MTHFSD: variants seen among roughly 807,000 people sequenced by gnomAD.
The protein encoded by MTHFSD is methenyltetrahydrofolate synthase domain-containing protein.
In MTHFSD, 37 loss-of-function variants were observed where a neutral mutation model predicts 31.1. The ratio of observed to expected loss-of-function variants is 1.19; its 90% CI spans 0.91 to 1.56. The LOEUF (loss-of-function observed/expected upper bound fraction) is 1.56, where lower values mean the gene tolerates loss of function less well. Ranked by LOEUF, MTHFSD falls within the 40% of genes most tolerant of loss-of-function variation. The probability of loss-of-function intolerance (pLI) is 0.00; values close to 1 mark genes in which losing one functional copy is unlikely to be tolerated. For synonymous variants in MTHFSD, 221 were observed against 206.9 expected (o/e 1.07, Z -0.59); for missense variants, 664 against 510.1 (o/e 1.30, Z -2.91).
Position 86,554,674 on chromosome 16 carries a change from G to A in MTHFSD, c.94C>T (p.Pro32Ser). 1 of 1,614,146 alleles carries A rather than the reference G, an allele frequency of 6.2e-7. No individual in the cohort carries two copies. The highest frequency in any genetic ancestry group is 8.5e-7 in the Non-Finnish European group (1 of 1,179,998). The change falls in exon 2 of 8, where the codon CCT becomes TCT. Residue 32 changes from proline (P) to serine (S), a missense_variant. Physicochemically the swap from Pro to Ser is moderately conservative, Grantham distance 74. Coordinates refer to ENST00000360900, the MANE Select transcript of MTHFSD (RefSeq NM_001159377.2). The part of the protein sequence containing the change: ...ESQNLADFPR[P>S]VHHRIPNFKG... The stretch of plus-strand genomic sequence containing the variant: ...AAGTTGGGTATCCTGTGATGAACAG[G>A]TCGGGGAAAGTCAGCTAAATTTTGT...
At chr16:86,539,191 C>G (rs749521053) in intron 7 of MTHFSD, among the ~76,000 whole-genome samples, 1 of 152,146 alleles carries the variant, frequency 6.6e-6, no homozygotes, top group East Asian at 1.9e-4. Context: ...TGGTCACAGG[C>G]GGTATGGAGC....
intron 4 of MTHFSD, chr16:86,547,588 T>C (rs16941495): frequency 0.17 from 166,311 of 986,466 alleles, 15,181 homozygotes; most frequent in East Asian, 0.39. Flanking sequence ...AAGAGACGGC[T>C]TGCATTTGTG....
intron 3 of MTHFSD, among the ~76,000 whole-genome samples, chr16:86,551,662 G>C (rs1471635237): frequency 6.6e-6 from 1 of 152,202 alleles, no homozygotes; most frequent in Non-Finnish European, 1.5e-5. Context: ...CAGCAAGCTT[G>C]TTAGCATGCT....
At position 86,541,777 on chromosome 16, in the gene MTHFSD, C is replaced by T; in HGVS notation, c.601G>A (p.Val201Met). 6.2e-7 allele frequency: 1 copy of T among 1,614,208 alleles called. No individual in the cohort carries two copies. Among genetic ancestry groups the T allele is most frequent in the East Asian group, 2.2e-5 (1 of 44,880 alleles). Residue 201 changes from valine (V) to methionine (M), a missense_variant, in exon 7 of 8, where the codon GTG (valine) becomes ATG (methionine). Physicochemically the swap from Val to Met is conservative, Grantham distance 21. Coordinates refer to ENST00000360900, the MANE Select transcript of MTHFSD (RefSeq NM_001159377.2). ...CTGGTTGGAGTGAGGATGTAGTCCACAGTGATGTCGTGCTCCTCAACAAGC... is the reference window on the plus strand; with the variant it reads ...CTGGTTGGAGTGAGGATGTAGTCCATAGTGATGTCGTGCTCCTCAACAAGC... ...EELVEEHDIT[V>M]DYILTPTRVI...
chr16:86,555,215 G>A lies in MTHFSD; in HGVS notation c.-31C>T, dbSNP rs1327320484. 6.5e-7 allele frequency: 1 copy of A among 1,536,270 alleles called. No individual in the cohort carries two copies. The highest frequency in any genetic ancestry group is 1.4e-5 in the African/African-American group (1 of 73,164). On this transcript the variant is annotated 5_prime_UTR_variant, in exon 1 of 8. Transcript: ENST00000360900. ...TGCAGTCGCTGTGCGACGCTTCCCG[G>A]CGCAGGTTCTGGCGCGTAGTGACGT...
intron 4 of MTHFSD, 34 bp from the exon 5 acceptor site, chr16:86,546,683 C>T (rs372257538): frequency 6.5e-7 from 1 of 1,529,004 alleles, no homozygotes; most frequent in Non-Finnish European, 9.1e-7. Context: ...AAAACTTCAA[C>T]TCCAGCTGCT....
At chr16:86,550,783 G>C (rs969125591) in intron 3 of MTHFSD, among the ~76,000 whole-genome samples, 1 of 152,226 alleles carries the variant, frequency 6.6e-6, no homozygotes, top group African/African-American at 2.4e-5. Context: ...AGGAAGCTAT[G>C]CTTCTGGAAG....
At position 86,532,379 on chromosome 16, in the gene MTHFSD, G is replaced by C. The variant is rs977111695; in HGVS notation, c.784C>G (p.Leu262Val). Residue 262 changes from leucine to valine, a missense_variant, in exon 8 of 8, where the codon CTT becomes GTT. Physicochemically the swap from Leu to Val is conservative, Grantham distance 32. Coordinates refer to ENST00000360900, the MANE Select transcript of MTHFSD (RefSeq NM_001159377.2). ...DVTLQGEHQH[L>V]PEPGCQQTVP... ...GTCTGCTGGCAGCCTGGTTCCGGAA[G>C]GTGCTGGTGCTCACCCTGGAGGGTG... The C allele has an allele frequency of 1.3e-6, 2 of 1,571,336 alleles. No individual in the cohort carries two copies. Among genetic ancestry groups the C allele is most frequent in the African/African-American group, 1.4e-5 (1 of 73,712 alleles).
At chr16:86,537,234 A>T (rs1970826294) in intron 7 of MTHFSD, among the ~76,000 whole-genome samples, 1 of 152,208 alleles carries the variant, frequency 6.6e-6, no homozygotes, top group Non-Finnish European at 1.5e-5. Flanking sequence ...ACTACTGTTA[A>T]TATTCTGCTG....
Position 86,532,210 on chromosome 16 carries a change from C to T in MTHFSD, c.953G>A (p.Arg318His), listed in dbSNP as rs1272951905. The T allele has an allele frequency of 1.3e-5, 21 of 1,580,432 alleles. No homozygotes were observed. Among genetic ancestry groups the T allele is most frequent in the South Asian group, 7.0e-5 (6 of 86,292 alleles). Residue 318 changes from arginine (R) to histidine (H), a missense_variant, in exon 8 of 8, where the codon CGT becomes CAT. Physicochemically the swap from Arg to His is conservative, Grantham distance 29. Coordinates refer to ENST00000360900, the MANE Select transcript of MTHFSD (RefSeq NM_001159377.2). Reference protein sequence around the residue: ...VYVGNLPGDARVSDLKRALRE... With the variant: ...VYVGNLPGDAHVSDLKRALRE... Reference sequence around the variant, plus strand: ...CAGGGCTCTCTTCAGGTCACTCACACGGGCGTCCCCGGGGAGGTTCCCAAC... The same window carrying T: ...CAGGGCTCTCTTCAGGTCACTCACATGGGCGTCCCCGGGGAGGTTCCCAAC...
intron 1 of MTHFSD, 110 bp from the exon 2 acceptor site, chr16:86,554,861 G>T: frequency 9.1e-7 from 1 of 1,094,190 alleles, no homozygotes; most frequent in Non-Finnish European, 1.3e-6. Context: ...ACCGGCTTCC[G>T]ATCCTGTTCC....
At chr16:86,552,384 C>T in intron 2 of MTHFSD, 1 of 1,039,286 alleles carries the variant, frequency 9.6e-7, no homozygotes, top group Non-Finnish European at 1.4e-6. Flanking sequence ...CTCACCCAGA[C>T]AGGCACTAAC....
At position 86,541,728 on chromosome 16, in the gene MTHFSD, C is replaced by T. The variant is rs367736262; in HGVS notation, c.650G>A (p.Arg217His). 9.9e-6 allele frequency: 16 copies of T among 1,613,786 alleles called. No homozygotes were observed. Among genetic ancestry groups the T allele is most frequent in the South Asian group, 6.6e-5 (6 of 90,910 alleles). The change falls in exon 7 of 8, where the codon CGC (arginine) becomes CAC (histidine). Residue 217 changes from arginine to histidine, a missense_variant. Physicochemically the swap from Arg to His is conservative, Grantham distance 29. Transcript: ENST00000360900. ...CCAGGTGATTCCCATTGGCTTTGGG[C>T]GCTTGCAGCCTGTGGCGATGACTCT... ...PTRVIATGCK[R>H]PKPMGITWFK...
chr16:86,546,768 C>T (rs575208588), intron 4 of MTHFSD, 119 bp from the exon 5 acceptor site: 4 of 810,336 alleles, frequency 4.9e-6, no homozygotes, highest in South Asian at 1.6e-5. Context: ...GATGCAGGCA[C>T]ACGCAACACC....
chr16:86,548,819 G>C (rs994335382), intron 3 of MTHFSD, among the ~76,000 whole-genome samples: 6 of 152,134 alleles, frequency 3.9e-5, no homozygotes, highest in African/African-American at 1.4e-4. Flanking sequence ...TACTAAACTT[G>C]CTAATTTGAT....
rs1597381376 is a variant in MTHFSD at position 86,551,944 on chromosome 16, C to T, written c.237+89G>A. The T allele has an allele frequency of 6.5e-6, 10 of 1,542,562 alleles. No individual in the cohort carries two copies. In the East Asian group the frequency reaches 2.3e-4, roughly 35 times the overall value. On this transcript the variant is annotated intron_variant, in intron 3 of 7. Transcript: ENST00000360900. ...ATCGGAAGCACCGACTTTCTAAATG[C>T]AAGACAGACGTGTGCACTGACCAGC...
intron 7 of MTHFSD, among the ~76,000 whole-genome samples, chr16:86,536,340 G>A (rs975809102): frequency 1.3e-5 from 2 of 152,220 alleles, no homozygotes; most frequent in Non-Finnish European, 2.9e-5. Context: ...CCAAGGGACC[G>A]TGCTGCCTTC....
rs952858793 is a variant in MTHFSD at position 86,531,846 on chromosome 16, T to C, written c.*165A>G. ...CGGCTTCCCCACTCACAGGAGGGCC[T>C]GGGCGTTCACTGAGCGGTGACTTCT... is the stretch of plus-strand genomic sequence containing the variant. On this transcript the variant is annotated 3_prime_UTR_variant, in exon 8 of 8. Transcript: ENST00000360900. This position sits in a 1 kb window ranked among gnomAD's most constrained non-coding sequence, Gnocchi z 5.5. The C allele has an allele frequency of 8.8e-6, 4 of 456,288 alleles. No homozygotes were observed. Among genetic ancestry groups the C allele is most frequent in the African/African-American group, 4.1e-5 (2 of 49,346 alleles). 28.3% of individuals were successfully genotyped at this position (456,288 alleles called of 1,614,324 possible). A position where few individuals can be genotyped will look rare whatever the true frequency, so the allele number is the denominator to read the frequency against.
intron 7 of MTHFSD, among the ~76,000 whole-genome samples, chr16:86,534,550 A>G (rs981736414): frequency 2.6e-5 from 4 of 152,200 alleles, no homozygotes; most frequent in Non-Finnish European, 4.4e-5. Flanking sequence ...CTACACCTCT[A>G]TTCCACCTTC....
Sources: allele counts gnomAD v4.1 joint callset (sites outside exome capture counted in the v4.1 genomes callset), GRCh38; gene constraint gnomAD v4.1.1; non-coding constraint Gnocchi (gnomAD v3.1); transcripts MANE v1.5; gene names NCBI Gene and HGNC (gene_info 2026-07-23, HGNC 2026-07-21).